TEAD1: variants seen among roughly 807,000 people sequenced by gnomAD.
The protein encoded by TEAD1 is TEA domain transcription factor 1.
TEAD1 carries 9 observed loss-of-function variants against 54.9 expected under a neutral mutation model. That is an observed-to-expected ratio of 0.16 (90% CI 0.10 to 0.29). The LOEUF (loss-of-function observed/expected upper bound fraction) is 0.29, where lower values mean the gene tolerates loss of function less well. TEAD1 is among the 10% of genes least tolerant of loss of function. TEAD1 has a pLI of 1.00. For missense variants in TEAD1, 387 were observed against 535.9 expected, an observed-to-expected ratio of 0.72 and a Z score of 2.74; for synonymous variants, 200 against 187.8, an observed-to-expected ratio of 1.07 and a Z score of -0.53.
chr11:12,697,495 A>AT (rs1462264763), intron 2 of TEAD1, among the ~76,000 whole-genome samples: 2 of 152,148 alleles, frequency 1.3e-5, no homozygotes, highest in Non-Finnish European at 2.9e-5. Flanking sequence ...TAGAGGATAG[A>AT]TTTTTTTGGG....
intron 2 of TEAD1, among the ~76,000 whole-genome samples, chr11:12,746,046 T>C (rs1944740284): frequency 6.6e-6 from 1 of 152,216 alleles, no homozygotes; most frequent in South Asian, 2.1e-4. Context: ...AGAGGCATTG[T>C]GTGTGGAGTA....
At chr11:12,719,714 G>T (rs1944143132) in intron 2 of TEAD1, among the ~76,000 whole-genome samples, 1 of 152,058 alleles carries the variant, frequency 6.6e-6, no homozygotes, top group Non-Finnish European at 1.5e-5. Flanking sequence ...CCGTGGGTTG[G>T]ACATGGGGTA....
At position 12,757,438 on chromosome 11, in the gene TEAD1, T is replaced by C. The variant is rs11022492; in HGVS notation, c.-54-6741T>C. Among the ~76,000 whole-genome samples the C allele has an allele frequency of 0.035, 5,313 of 152,312 alleles. 631 individuals carry two copies. In the East Asian group the frequency reaches 0.42, roughly 12 times the overall value. ...CCATTCTCCTCAAAATAAGATTTAC[T>C]GATGATAAAAGATTACCTCTTAAAG... On this transcript the variant is annotated intron_variant, in intron 2 of 12. Transcript: ENST00000527636.
intron 10 of TEAD1, among the ~76,000 whole-genome samples, chr11:12,915,921 T>C (rs781059542): frequency 6.6e-6 from 1 of 152,184 alleles, no homozygotes; most frequent in Admixed American, 6.5e-5. Flanking sequence ...CAGACTCTTA[T>C]CTGGGGACTA....
chr11:12,924,762 G>GAAAACAA lies in TEAD1; in HGVS notation c.874-150_874-149insAAAACAA. 7 of 882,612 alleles carry GAAAACAA rather than the reference G, an allele frequency of 7.9e-6. No individual in the cohort carries two copies. In the South Asian group the frequency reaches 9.6e-5, roughly 12 times the overall value. The allele number at this position is 882,612 out of a possible 1,614,324, so 54.7% of individuals were successfully genotyped here. A position where few individuals can be genotyped will look rare whatever the true frequency, so the allele number is the denominator to read the frequency against. On this transcript the variant is annotated intron_variant, in intron 10 of 12. Transcript: ENST00000527636. ...GCAAACTCTTTAAAAAACGACAGAT[G>GAAAACAA]GGTATTGAACTTGTTTCTAGATGAG...
chr11:12,700,644 ACT>A (rs1343052931), intron 2 of TEAD1, among the ~76,000 whole-genome samples: 1 of 152,044 alleles, frequency 6.6e-6, no homozygotes, highest in East Asian at 1.9e-4. Flanking sequence ...ATGCTTCTTA[ACT>A]CTCATTTATT....
intron 3 of TEAD1, among the ~76,000 whole-genome samples, 179 bp downstream of exon 3, chr11:12,764,613 C>G (rs1405364607): frequency 6.6e-6 from 1 of 151,924 alleles, no homozygotes; most frequent in Non-Finnish European, 1.5e-5. Flanking sequence ...AATAAAGGAC[C>G]TTTGGGAAAA....
chr11:12,792,336 G>A (rs972350360), intron 3 of TEAD1, among the ~76,000 whole-genome samples: 18 of 112,746 alleles, frequency 1.6e-4, no homozygotes, highest in Admixed American at 1.4e-3. Flanking sequence ...TCAAGAAAAG[G>A]AAAGTAAAGG....
intron 2 of TEAD1, among the ~76,000 whole-genome samples, chr11:12,755,862 A>G (rs931680394): frequency 2.6e-5 from 4 of 152,180 alleles, no homozygotes; most frequent in Non-Finnish European, 5.9e-5. Flanking sequence ...ATAAAGAACA[A>G]CAATGATCAG....
chr11:12,732,743 G>A (rs140296715), intron 2 of TEAD1, among the ~76,000 whole-genome samples: 418 of 152,292 alleles, frequency 2.7e-3, no homozygotes, highest in Non-Finnish European at 4.4e-3. Flanking sequence ...TGGGACTAGG[G>A]GAGTGGAAAA....
At chr11:12,753,083 A>G (rs897847535) in intron 2 of TEAD1, among the ~76,000 whole-genome samples, 39 of 151,740 alleles carry the variant, frequency 2.6e-4, no homozygotes, top group Middle Eastern at 3.4e-3. Flanking sequence ...CGCTGAAGCA[A>G]TCTGCCCATC....
At chr11:12,870,228 C>G (rs76936697) in intron 5 of TEAD1, among the ~76,000 whole-genome samples, 2,919 of 152,198 alleles carry the variant, frequency 0.019, 37 homozygotes, top group Non-Finnish European at 0.029. Flanking sequence ...GCCATTGGCA[C>G]CAACATGAGA....
intron 3 of TEAD1, chr11:12,823,557 A>G (rs1013484526): frequency 6.6e-6 from 1 of 152,136 alleles, no homozygotes; most frequent in Admixed American, 6.5e-5. Flanking sequence ...GGCACAAGAG[A>G]TGCTTTTTCT....
chr11:12,677,915 G>A (rs1281103740), intron 2 of TEAD1, among the ~76,000 whole-genome samples: 1 of 152,174 alleles, frequency 6.6e-6, no homozygotes, highest in Admixed American at 6.5e-5. Flanking sequence ...TAATTATGCT[G>A]CCTGCAAATG....
At chr11:12,810,213 T>C (rs894937332) in intron 3 of TEAD1, among the ~76,000 whole-genome samples, 1 of 151,980 alleles carries the variant, frequency 6.6e-6, no homozygotes, top group Non-Finnish European at 1.5e-5. Flanking sequence ...ACTCTTGACC[T>C]CGTGATCCGC....
intron 2 of TEAD1, among the ~76,000 whole-genome samples, chr11:12,713,321 G>C (rs2133854714): frequency 1.3e-5 from 2 of 152,288 alleles, no homozygotes; most frequent in Non-Finnish European, 2.9e-5. Context: ...TGCCTGTCCT[G>C]GGGCTGTGCA....
Position 12,924,990 on chromosome 11 carries a change from A to G in TEAD1, c.952A>G (p.Met318Val). 1 of 1,614,210 alleles carries G rather than the reference A, an allele frequency of 6.2e-7. No individual in the cohort carries two copies. The highest frequency in any genetic ancestry group is 8.5e-7 in the Non-Finnish European group (1 of 1,180,042). ...CAGTCAGTACGAGAGTTCTGAAAAT[A>G]TGACAGTCACCTGTTCCACCAAAGT... Residue 318 changes from methionine (M) to valine (V), a missense_variant, in exon 11 of 13, where the codon ATG (methionine) becomes GTG (valine). Transcript: ENST00000527636.
At chr11:12,765,002 A>C (rs1465145473) in intron 3 of TEAD1, among the ~76,000 whole-genome samples, 2 of 151,382 alleles carry the variant, frequency 1.3e-5, no homozygotes, top group Non-Finnish European at 2.9e-5. Context: ...CCTCTGAACC[A>C]CCAATTTGCT....
chr11:12,819,922 C>A (rs1183850640), intron 3 of TEAD1, among the ~76,000 whole-genome samples: 1 of 151,704 alleles, frequency 6.6e-6, no homozygotes, highest in Admixed American at 6.6e-5. Flanking sequence ...TGAGTCAGCT[C>A]TTGGAGGGCA....
Sources: gnomAD v4.1 joint callset for allele counts (sites outside exome capture counted in the v4.1 genomes callset) on GRCh38, gnomAD v4.1.1 for gene constraint, MANE v1.5 for transcripts, NCBI Gene and HGNC (gene_info 2026-07-23, HGNC 2026-07-21) for gene names.